ARHGAP20: variants seen among roughly 807,000 people sequenced by gnomAD.
The protein encoded by ARHGAP20 is rho GTPase-activating protein 20.
Under a neutral mutation model 73.7 loss-of-function variants are expected in ARHGAP20, and 34 were observed. The ratio of observed to expected loss-of-function variants is 0.46; its 90% CI spans 0.35 to 0.61. The LOEUF is 0.61. ARHGAP20 is among the 20% of genes least tolerant of loss of function. ARHGAP20 has a pLI of 0.00. For missense variants in ARHGAP20, 1,314 were observed against 1,420.9 expected, an observed-to-expected ratio of 0.92 and a Z score of 1.21; for synonymous variants, 523 against 518.2, an observed-to-expected ratio of 1.01 and a Z score of -0.13.
At chr11:110,589,486 T>G in intron 11 of ARHGAP20, 1 of 985,434 alleles carries the variant, frequency 1.0e-6, no homozygotes, top group South Asian at 4.7e-5. Context: ...TTAACTTGGT[T>G]TTCACGTTTC....
chr11:110,677,131 C>A (rs1386934104), intron 2 of ARHGAP20, among the ~76,000 whole-genome samples: 2 of 152,110 alleles, frequency 1.3e-5, no homozygotes, highest in Non-Finnish European at 2.9e-5. Context: ...TGCTTTGGGG[C>A]CTTACAAACT....
intron 2 of ARHGAP20, among the ~76,000 whole-genome samples, chr11:110,633,299 A>G (rs909150212): frequency 2.6e-5 from 4 of 152,130 alleles, no homozygotes. Context: ...CCCTTCCTCA[A>G]TGGATTGCTT....
At chr11:110,616,129 C>A (rs915417161) in intron 4 of ARHGAP20, among the ~76,000 whole-genome samples, 4 of 150,812 alleles carry the variant, frequency 2.7e-5, no homozygotes, top group Admixed American at 6.7e-5. Flanking sequence ...GCCCAGAAAC[C>A]AGTTTGTTGT....
chr11:110,668,859 G>A (rs1257803599), intron 2 of ARHGAP20, among the ~76,000 whole-genome samples: 2 of 152,010 alleles, frequency 1.3e-5, no homozygotes, highest in African/African-American at 2.4e-5. Context: ...AGGTACAAAG[G>A]CAATTAAAAG....
At chr11:110,583,822 G>A (rs1947541122) in intron 12 of ARHGAP20, 85 bp from the exon 13 acceptor site, 2 of 1,156,656 alleles carry the variant, frequency 1.7e-6, no homozygotes, top group African/African-American at 3.1e-5. Context: ...GAATGGGGAA[G>A]AGGGAAATCA....
At chr11:110,701,933 T>C (rs2135144485) in intron 1 of ARHGAP20, among the ~76,000 whole-genome samples, 1 of 152,286 alleles carries the variant, frequency 6.6e-6, no homozygotes, top group South Asian at 2.1e-4. Context: ...TTCTGTTCCA[T>C]TGATCTATAT....
chr11:110,580,506 G>C lies in ARHGAP20; in HGVS notation c.2440C>G (p.His814Asp), dbSNP rs768023299. ...ACATCAAAGGGCTGGTTCTTGGAATGATCCTGTGAGGACATAGGACTATAA... is the reference window on the plus strand; with the variant it reads ...ACATCAAAGGGCTGGTTCTTGGAATCATCCTGTGAGGACATAGGACTATAA... ...ASYSPMSSQD[H>D]SKNQPFDVNT... The change falls in exon 15 of 15, where the codon CAT becomes GAT. Residue 814 changes from histidine (H) to aspartate (D), a missense_variant. Physicochemically the swap from His to Asp is moderately conservative, Grantham distance 81. Transcript: ENST00000683387. The C allele has an allele frequency of 6.2e-7, 1 of 1,614,156 alleles. No individual in the cohort carries two copies. Among genetic ancestry groups the C allele is most frequent in the Non-Finnish European group, 8.5e-7 (1 of 1,180,024 alleles).
Position 110,580,907 on chromosome 11 carries a change from A to G in ARHGAP20, c.2039T>C (p.Met680Thr). The change falls in exon 15 of 15, where the codon ATG (methionine) becomes ACG (threonine). Residue 680 changes from methionine to threonine, a missense_variant. Physicochemically the swap from Met to Thr is moderately conservative, Grantham distance 81. Around this residue, in one of 3 missense-constraint regions of ARHGAP20, gnomAD observed 641 missense variants for 636.9 expected, o/e 1.01. Coordinates refer to ENST00000683387, the MANE Select transcript of ARHGAP20 (RefSeq NM_001384657.1). ...TGTGGACAGGTAGCTGGGTGTGCAC[A>G]TGGCAGATGGGGCCCTGGCATGATC... ...LRDHARAPSA[M>T]CTPSYLSTAA... is the part of the protein sequence containing the mutation. 2 of 1,613,606 alleles carry G rather than the reference A, an allele frequency of 1.2e-6. No individual in the cohort carries two copies. The highest frequency in any genetic ancestry group is 1.7e-6 in the Non-Finnish European group (2 of 1,179,512).
chr11:110,580,875 CTGCAGCTGTGGACA>C lies in ARHGAP20; in HGVS notation c.2057_2070del (p.Leu686ArgfsTer42). On this transcript the variant is annotated frameshift_variant, in exon 15 of 15. Coordinates refer to ENST00000683387, the MANE Select transcript of ARHGAP20 (RefSeq NM_001384657.1). LOFTEE classifies it low-confidence loss of function (END_TRUNC). ...CGCCTCAGGCTTTTTGCAGCATTTGCTGCAGCTGTGGACAGGTAGCTGGGTGTGCACATGGCAGA... is the reference window on the plus strand; with the variant it reads ...CGCCTCAGGCTTTTTGCAGCATTTGCGGTAGCTGGGTGTGCACATGGCAGA... 1.2e-6 allele frequency: 2 copies of C among 1,612,672 alleles called. No individual in the cohort carries two copies. Among genetic ancestry groups the C allele is most frequent in the Non-Finnish European group, 8.5e-7 (1 of 1,178,776 alleles).
At chr11:110,684,207 G>T (rs1163142631) in intron 2 of ARHGAP20, among the ~76,000 whole-genome samples, 1 of 152,186 alleles carries the variant, frequency 6.6e-6, no homozygotes, top group Non-Finnish European at 1.5e-5. Flanking sequence ...GAGAAGGCTA[G>T]AGAGTATGAT....
intron 9 of ARHGAP20, among the ~76,000 whole-genome samples, chr11:110,597,748 T>C (rs1328403639): frequency 6.6e-6 from 1 of 152,240 alleles, no homozygotes; most frequent in Non-Finnish European, 1.5e-5. Context: ...GTCCTTTACT[T>C]TATCATAAAT....
At chr11:110,712,060 G>T in intron 1 of ARHGAP20, 67 bp downstream of exon 1, 4 of 1,248,248 alleles carry the variant, frequency 3.2e-6, no homozygotes, top group Middle Eastern at 3.1e-4. Context: ...TGGCGGGCGC[G>T]GAGGGCGCGC....
intron 2 of ARHGAP20, among the ~76,000 whole-genome samples, chr11:110,638,163 T>C (rs764216388): frequency 2.0e-5 from 3 of 152,030 alleles, no homozygotes; most frequent in Non-Finnish European, 4.4e-5. Context: ...TAAGTACAAA[T>C]TCCATACTTG....
chr11:110,709,043 C>T (rs1304870148), intron 1 of ARHGAP20, among the ~76,000 whole-genome samples: 1 of 152,164 alleles, frequency 6.6e-6, no homozygotes, highest in Non-Finnish European at 1.5e-5. Flanking sequence ...GCACTACTCT[C>T]CCCTAATTAG....
At chr11:110,671,378 A>G (rs956909117) in intron 2 of ARHGAP20, among the ~76,000 whole-genome samples, 41 of 152,102 alleles carry the variant, frequency 2.7e-4, no homozygotes, top group African/African-American at 9.6e-4. Flanking sequence ...CTACCAAAAA[A>G]TCCTAAAGCA....
At chr11:110,691,977 T>A (rs1354421167) in intron 1 of ARHGAP20, among the ~76,000 whole-genome samples, 2 of 152,112 alleles carry the variant, frequency 1.3e-5, no homozygotes, top group African/African-American at 2.4e-5. Context: ...ATATAAAAAT[T>A]TTTTGCATGA....
chr11:110,671,268 GA>G (rs1429238690), intron 2 of ARHGAP20, among the ~76,000 whole-genome samples: 9 of 151,402 alleles, frequency 5.9e-5, no homozygotes, highest in Non-Finnish European at 1.2e-4. Flanking sequence ...CAAAGTTGCA[GA>G]AAAAAGCATC....
chr11:110,643,489 C>T (rs561371849), intron 2 of ARHGAP20, among the ~76,000 whole-genome samples: 7 of 151,950 alleles, frequency 4.6e-5, no homozygotes, highest in African/African-American at 1.4e-4. Context: ...ATTTCAAATA[C>T]TTTTTTTTGA....
In ARHGAP20 at chr11:110,581,047, A is replaced by G; in HGVS notation, c.1899T>C (p.Leu633=). The change falls in exon 15 of 15, where the codon CTT becomes CTC. Residue 633 remains leucine (L), a synonymous_variant. Transcript: ENST00000683387. ...CCAAGTCAAAGTCGCTTAGGGTTAA[A>G]AGGCCTTCCACCTCGGGCTGGTCAA... ...YDLDQPEVEG[L]LTLSDFDLAH... The G allele has an allele frequency of 6.2e-7, 1 of 1,614,182 alleles. No homozygotes were observed.
Sources: gnomAD v4.1 joint callset for allele counts (sites outside exome capture counted in the v4.1 genomes callset) on GRCh38, gnomAD v4.1.1 for gene constraint, gnomAD v4.1.1 regional missense constraint, MANE v1.5 for transcripts, NCBI Gene and HGNC (gene_info 2026-07-23, HGNC 2026-07-21) for gene names.